The following NUDT22 variants were observed in gnomAD, a reference collection of about 807,000 sequenced individuals.
NUDT22 encodes uridine diphosphate glucose pyrophosphatase NUDT22.
A neutral mutation model predicts 28.8 loss-of-function variants in NUDT22; 23 were observed. The observed-to-expected ratio is 0.80, with a 90% CI of 0.58 to 1.13. The LOEUF is 1.13. NUDT22 is among the 50% of genes most tolerant of loss of function. NUDT22 has a pLI of 0.00. For synonymous variants in NUDT22, 175 were observed against 173.7 expected (o/e 1.01, Z -0.06); for missense variants, 358 against 387.3 (o/e 0.92, Z 0.64).
chr11:64,226,601 C>G (rs1019196634), intron 1 of NUDT22, 34 bp from the exon 2 acceptor site: 9 of 1,524,196 alleles, frequency 5.9e-6, no homozygotes, highest in African/African-American at 5.6e-5. Context: ...TAGTGGCCCC[C>G]CTGGATGACA....
chr11:64,226,876 G>T lies in NUDT22; in HGVS notation c.224G>T (p.Gly75Val). The part of the protein sequence containing the change: ...SATLAPIGSR[G>V]PQLLLRLGLT... ...ACCCTGGCGCCTATTGGCTCTCGGG[G>T]GCCACAGCTGCTCCTGCGCCTGGGC... is the stretch of plus-strand genomic sequence containing the variant. The change falls in exon 2 of 6, where the codon GGG becomes GTG. Residue 75 changes from glycine (G) to valine (V), a missense_variant. Gly to Val is a moderately radical substitution (Grantham distance 109). Coordinates refer to ENST00000279206, the MANE Select transcript of NUDT22 (RefSeq NM_032344.4). 1.2e-6 allele frequency: 2 copies of T among 1,605,282 alleles called. No individual in the cohort carries two copies. The highest frequency in any genetic ancestry group is 1.7e-6 in the Non-Finnish European group (2 of 1,179,924).
At position 64,227,673 on chromosome 11, in the gene NUDT22, G is replaced by C. The variant is rs774194161; in HGVS notation, c.579+7G>C. 1.2e-6 allele frequency: 2 copies of C among 1,608,598 alleles called. No homozygotes were observed. Among genetic ancestry groups the C allele is most frequent in the Non-Finnish European group, 1.7e-6 (2 of 1,175,004 alleles). On this transcript the variant is annotated splice_region_variant and intron_variant, in intron 3 of 5. Coordinates refer to ENST00000279206, the MANE Select transcript of NUDT22 (RefSeq NM_032344.4). Reference sequence around the variant, plus strand: ...TCAGGAGATCTGTGATGAGGTGAGTGAGGTTGACCTGGACAGGGTGGTAGA... The same window carrying C: ...TCAGGAGATCTGTGATGAGGTGAGTCAGGTTGACCTGGACAGGGTGGTAGA...
chr11:64,229,794 G>C (rs1405782006), intron 5 of NUDT22, 56 bp from the exon 6 acceptor site: 2 of 1,608,492 alleles, frequency 1.2e-6, no homozygotes, highest in African/African-American at 1.3e-5. Flanking sequence ...TCTGGGCACA[G>C]CCCTGGCAGG....
Position 64,227,033 on chromosome 11 carries a change from A to G in NUDT22, c.381A>G (p.Leu127=), listed in dbSNP as rs779129768. Residue 127 remains leucine (L), a synonymous_variant, in exon 2 of 6, where the codon CTA becomes CTG. Coordinates refer to ENST00000279206, the MANE Select transcript of NUDT22 (RefSeq NM_032344.4). The stretch of plus-strand genomic sequence containing the variant: ...ACCCACTGGGGGTGGGCGCTGCACT[A>G]GCCACAGCCGATGACTTCCTTGTCT... ...LADPLGVGAA[L]ATADDFLVFL... The G allele has an allele frequency of 3.7e-6, 6 of 1,603,042 alleles. No individual in the cohort carries two copies. Among genetic ancestry groups the G allele is most frequent in the Admixed American group, 1.7e-5 (1 of 59,908 alleles).
Position 64,226,381 on chromosome 11 carries a change from T to TG in NUDT22, c.-60dup, listed in dbSNP as rs970446678. ...CGGGTCGGAGGCAGACCCCTGGGTT[T>TG]GGGGGACATGGGCATTTGGGGCGCC... is the stretch of plus-strand genomic sequence containing the variant. On this transcript the variant is annotated 5_prime_UTR_variant, in exon 1 of 6. Coordinates refer to ENST00000279206, the MANE Select transcript of NUDT22 (RefSeq NM_032344.4). 6.2e-6 allele frequency: 8 copies of TG among 1,288,542 alleles called. No individual in the cohort carries two copies. The highest frequency in any genetic ancestry group is 7.8e-6 in the Non-Finnish European group (8 of 1,020,054). The allele number at this position is 1,288,542 out of a possible 1,614,324, so 79.8% of individuals were successfully genotyped here. A position where few individuals can be genotyped will look rare whatever the true frequency, so the allele number is the denominator to read the frequency against.
intron 4 of NUDT22, 27 bp from the exon 5 acceptor site, chr11:64,229,451 C>T: frequency 6.2e-7 from 1 of 1,612,596 alleles, no homozygotes; most frequent in Middle Eastern, 1.7e-4. Flanking sequence ...TGGTCACCCA[C>T]TAAGCCACCC....
intron 3 of NUDT22, chr11:64,227,875 C>CTTT: frequency 1.5e-5 from 7 of 457,570 alleles, no homozygotes; most frequent in South Asian, 4.9e-5. Context: ...TTTTTTCTTT[C>CTTT]TTTTTTTTTT....
chr11:64,227,069 C>A lies in NUDT22; in HGVS notation c.417C>A (p.Arg139=). Residue 139 remains arginine, a synonymous_variant, in exon 2 of 6, where the codon CGC becomes CGA. Transcript: ENST00000279206. ...ATGACTTCCTTGTCTTCCTGCGCCGCTCCCGGCAGGTGGCTGAGGCCCCTG... is the reference window on the plus strand; with the variant it reads ...ATGACTTCCTTGTCTTCCTGCGCCGATCCCGGCAGGTGGCTGAGGCCCCTG... ...TADDFLVFLR[R]SRQVAEAPGL... is the part of the protein sequence containing the mutation. 1 of 1,601,656 alleles carries A rather than the reference C, an allele frequency of 6.2e-7. No homozygotes were observed. Among genetic ancestry groups the A allele is most frequent in the Non-Finnish European group, 8.5e-7 (1 of 1,178,272 alleles).
chr11:64,230,081 A>T (rs1947148639), downstream of NUDT22: 1 of 1,249,926 alleles, frequency 8.0e-7, no homozygotes, highest in Admixed American at 2.0e-5. Flanking sequence ...GTAAGGCAGG[A>T]CAAGTGACTT....
Position 64,226,784 on chromosome 11 carries a change from C to G in NUDT22, c.132C>G (p.Ile44Met), listed in dbSNP as rs140186168. ...LPGGDEAITA[I>M]WETRLKAQPW... ...GTGGGGACGAGGCCATCACTGCCATCTGGGAGACCCGGCTAAAGGCCCAAC... is the reference window on the plus strand; with the variant it reads ...GTGGGGACGAGGCCATCACTGCCATGTGGGAGACCCGGCTAAAGGCCCAAC... Residue 44 changes from isoleucine to methionine, a missense_variant, in exon 2 of 6, where the codon ATC (isoleucine) becomes ATG (methionine). Coordinates refer to ENST00000279206, the MANE Select transcript of NUDT22 (RefSeq NM_032344.4). 3.1e-5 allele frequency: 50 copies of G among 1,610,644 alleles called. 1 individual carries two copies. In the African/African-American group the frequency reaches 5.9e-4, roughly 19 times the overall value.
Position 64,227,592 on chromosome 11 carries a change from C to T in NUDT22, c.505C>T (p.Gln169Ter). ...GGCCCTGTGCCCTGGTGGCAGCCCC[C>T]AGCACCAGGACCTCGCTGGGCAGCT... The part of the protein sequence containing the change: ...PQALCPGGSP[Q>*]HQDLAGQLVV... The change falls in exon 3 of 6, where the codon CAG becomes TAG. Residue 169 changes from glutamine (Q) to a stop codon, truncating the protein, a stop_gained. Coordinates refer to ENST00000279206, the MANE Select transcript of NUDT22 (RefSeq NM_032344.4). LOFTEE classifies it high-confidence loss of function. 1 of 1,613,940 alleles carries T rather than the reference C, an allele frequency of 6.2e-7. No homozygotes were observed. Among genetic ancestry groups the T allele is most frequent in the Non-Finnish European group, 8.5e-7 (1 of 1,179,964 alleles).
At position 64,226,875 on chromosome 11, in the gene NUDT22, G is replaced by A. The variant is rs890908027; in HGVS notation, c.223G>A (p.Gly75Arg). Residue 75 changes from glycine to arginine, a missense_variant, in exon 2 of 6, where the codon GGG becomes AGG. Physicochemically the swap from Gly to Arg is moderately radical, Grantham distance 125. Coordinates refer to ENST00000279206, the MANE Select transcript of NUDT22 (RefSeq NM_032344.4). The stretch of plus-strand genomic sequence containing the variant: ...CACCCTGGCGCCTATTGGCTCTCGG[G>A]GGCCACAGCTGCTCCTGCGCCTGGG... Reference protein sequence around the residue: ...SATLAPIGSRGPQLLLRLGLT... With the variant: ...SATLAPIGSRRPQLLLRLGLT... 5.0e-6 allele frequency: 8 copies of A among 1,605,386 alleles called. No homozygotes were observed. In the Admixed American group the frequency reaches 5.0e-5, roughly 10 times the overall value.
In NUDT22 at chr11:64,227,014, T is replaced by A; in HGVS notation, c.362T>A (p.Leu121Gln). The change falls in exon 2 of 6, where the codon CTG (leucine) becomes CAG (glutamine). Residue 121 changes from leucine (L) to glutamine (Q), a missense_variant. Transcript: ENST00000279206. ...GDTQAYLADPLGVGAALATAD... is the reference protein window; with the variant it reads ...GDTQAYLADPQGVGAALATAD... Reference sequence around the variant, plus strand: ...ACGCAGGCCTATCTGGCGGACCCACTGGGGGTGGGCGCTGCACTAGCCACA... The same window carrying A: ...ACGCAGGCCTATCTGGCGGACCCACAGGGGGTGGGCGCTGCACTAGCCACA... 1 of 1,602,562 alleles carries A rather than the reference T, an allele frequency of 6.2e-7. No homozygotes were observed. The highest frequency in any genetic ancestry group is 8.5e-7 in the Non-Finnish European group (1 of 1,179,616).
rs751392655 is a variant in NUDT22, at chr11:64,229,862, T to C, written c.784T>C (p.Leu262=). ...TGTCTCCCCACAGAACGTGCAGAGA[T>C]TGCTCGAGACGGAGATGTGGGCTGA... ...FFVETQNVQR[L]LETEMWAELC... Residue 262 remains leucine (L), a synonymous_variant, in exon 6 of 6, where the codon TTG becomes CTG. Transcript: ENST00000279206. The C allele has an allele frequency of 2.5e-6, 4 of 1,613,212 alleles. No homozygotes were observed. The South Asian group carries it at 4.4e-5, about 18-fold the overall frequency.
chr11:64,228,390 C>T (rs1947106156), intron 3 of NUDT22, among the ~76,000 whole-genome samples: 2 of 151,982 alleles, frequency 1.3e-5, no homozygotes, highest in Admixed American at 6.6e-5. Context: ...AGTGGCCGGG[C>T]GCCGTGGCTC....
intron 5 of NUDT22, 131 bp from the exon 6 acceptor site, chr11:64,229,719 G>C: frequency 1.5e-6 from 2 of 1,379,100 alleles, no homozygotes; most frequent in Non-Finnish European, 1.0e-6. Flanking sequence ...AAAGGTCCAG[G>C]GACATGTTCA....
intron 2 of NUDT22, 87 bp downstream of exon 2, chr11:64,227,219 C>A (rs80104841): frequency 6.7e-7 from 1 of 1,500,268 alleles, no homozygotes; most frequent in South Asian, 1.2e-5. Flanking sequence ...CTTTGGTTTC[C>A]TCATTCCTTA....
At chr11:64,228,196 T>TC (rs1229547157) in intron 3 of NUDT22, among the ~76,000 whole-genome samples, 1 of 150,064 alleles carries the variant, frequency 6.7e-6, no homozygotes, top group Non-Finnish European at 1.5e-5. Context: ...TTTTTTTTTT[T>TC]CTTTTTGAGA....
chr11:64,229,072 G>A (rs1947124070), intron 3 of NUDT22, 175 bp from the exon 4 acceptor site: 2 of 572,216 alleles, frequency 3.5e-6, no homozygotes, highest in Admixed American at 3.2e-5. Flanking sequence ...TCTGGTTTTG[G>A]TGTACCTGTA....
Sources: gnomAD v4.1 joint callset for allele counts (sites outside exome capture counted in the v4.1 genomes callset) on GRCh38, gnomAD v4.1.1 for gene constraint, MANE v1.5 for transcripts, NCBI Gene and HGNC (gene_info 2026-07-23, HGNC 2026-07-21) for gene names.